The following RALYL variants were observed in gnomAD, a reference collection of about 807,000 sequenced individuals.
The protein encoded by RALYL is RNA-binding Raly-like protein.
RALYL carries 29 observed loss-of-function variants against 35.1 expected under a neutral mutation model. The ratio of observed to expected loss-of-function variants is 0.83; its 90% CI spans 0.61 to 1.13. The LOEUF (loss-of-function observed/expected upper bound fraction) is 1.13, where lower values mean the gene tolerates loss of function less well. Among genes scored for constraint, RALYL ranks in the 50% most tolerant of loss-of-function variants. RALYL has a pLI of 0.00. For missense variants in RALYL, 359 were observed against 360.4 expected (o/e 1.00, Z 0.03); for synonymous variants, 120 against 127.6 (o/e 0.94, Z 0.40).
intron 1 of RALYL, among the ~76,000 whole-genome samples, chr8:84,401,637 C>CAAAAAAAAAA (rs71271985): frequency 1.1e-4 from 2 of 17,428 alleles, no homozygotes; most frequent in African/African-American, 1.5e-4. Context: ...GACTCTGTCT[C>CAAAAAAAAAA]AAAAAAAAAA....
At chr8:84,689,023 C>T (rs563307501) in intron 2 of RALYL, among the ~76,000 whole-genome samples, 1 of 151,476 alleles carries the variant, frequency 6.6e-6, no homozygotes, top group Middle Eastern at 3.2e-3. Context: ...AAGATATTAA[C>T]TCATACACTA....
chr8:84,809,718 A>AT (rs1280635605), intron 4 of RALYL, among the ~76,000 whole-genome samples: 4 of 151,960 alleles, frequency 2.6e-5, no homozygotes, highest in South Asian at 2.1e-4. Flanking sequence ...AGAGGATTGT[A>AT]TTTTTTCAGG....
intron 2 of RALYL, among the ~76,000 whole-genome samples, chr8:84,691,788 C>T (rs1163801034): frequency 1.3e-5 from 2 of 151,990 alleles, no homozygotes; most frequent in Non-Finnish European, 2.9e-5. Context: ...ACTAAAATAA[C>T]TGGAGTGAGA....
chr8:84,824,859 A>G (rs1247900332), intron 4 of RALYL, among the ~76,000 whole-genome samples: 1 of 152,324 alleles, frequency 6.6e-6, no homozygotes, highest in Non-Finnish European at 1.5e-5. Flanking sequence ...TACAAAAATT[A>G]ACTCAAATTG....
At chr8:84,807,660 C>T (rs1032369818) in intron 4 of RALYL, among the ~76,000 whole-genome samples, 3 of 152,172 alleles carry the variant, frequency 2.0e-5, no homozygotes, top group African/African-American at 7.2e-5. Context: ...CTATTCACTG[C>T]ATCCACTCCA....
chr8:84,899,085 T>A (rs551454962), intron 8 of RALYL, among the ~76,000 whole-genome samples: 46 of 152,304 alleles, frequency 3.0e-4, no homozygotes, highest in African/African-American at 1.1e-3. Context: ...CACCGTGTCA[T>A]GACTCCATGC....
intron 2 of RALYL, among the ~76,000 whole-genome samples, chr8:84,762,968 A>G (rs1479211926): frequency 6.6e-6 from 1 of 152,168 alleles, no homozygotes; most frequent in Non-Finnish European, 1.5e-5. Context: ...ACATCTTAAA[A>G]CAATAAAATA....
chr8:84,757,542 G>T (rs1457583098), intron 2 of RALYL, among the ~76,000 whole-genome samples: 1 of 152,114 alleles, frequency 6.6e-6, no homozygotes, highest in Non-Finnish European at 1.5e-5. Context: ...CTATGCAGGG[G>T]CGGCGAATAT....
chr8:84,769,872 A>G (rs945990664), intron 2 of RALYL, among the ~76,000 whole-genome samples: 18 of 152,178 alleles, frequency 1.2e-4, no homozygotes, highest in Admixed American at 1.0e-3. Flanking sequence ...AAAGTAAGTA[A>G]GTTATGAGGA....
chr8:84,787,169 C>T (rs1819705893), intron 3 of RALYL, among the ~76,000 whole-genome samples: 1 of 151,872 alleles, frequency 6.6e-6, no homozygotes, highest in Non-Finnish European at 1.5e-5. Flanking sequence ...AGCCCCCCAC[C>T]CCCAAACAGA....
At chr8:84,185,298 A>G in intron 1 of RALYL, 1 of 485,296 alleles carries the variant, frequency 2.1e-6, no homozygotes, top group Non-Finnish European at 3.7e-6. Flanking sequence ...CTTTTTAACC[A>G]CCTGATACTG....
At chr8:84,233,155 A>AT (rs112896696) in intron 1 of RALYL, among the ~76,000 whole-genome samples, 7,259 of 151,678 alleles carry the variant, frequency 0.048, 163 homozygotes, top group Middle Eastern at 0.054. Flanking sequence ...AATAATTTTT[A>AT]TTGTTTTTTT....
chr8:84,742,395 C>T (rs1807583421), intron 2 of RALYL, among the ~76,000 whole-genome samples: 1 of 151,870 alleles, frequency 6.6e-6, no homozygotes, highest in South Asian at 2.1e-4. Flanking sequence ...TACAAATAAA[C>T]ACTACATGAA....
intron 5 of RALYL, among the ~76,000 whole-genome samples, chr8:84,858,683 A>C (rs1037370796): frequency 1.1e-4 from 17 of 152,184 alleles, no homozygotes; most frequent in Admixed American, 1.1e-3. Flanking sequence ...GATTTACTGT[A>C]GGCCGAATTC....
At chr8:84,589,347 C>A (rs897006542) in intron 2 of RALYL, among the ~76,000 whole-genome samples, 1 of 152,264 alleles carries the variant, frequency 6.6e-6, no homozygotes, top group East Asian at 1.9e-4. Context: ...TTAGATTCAG[C>A]CTGTCCAGTA....
intron 1 of RALYL, among the ~76,000 whole-genome samples, chr8:84,454,946 C>T (rs1339765481): frequency 6.6e-6 from 1 of 152,094 alleles, no homozygotes; most frequent in African/African-American, 2.4e-5. Flanking sequence ...ACTCTTCACA[C>T]TGCAGAAAGA....
chr8:84,534,812 G>C (rs1052888360), intron 2 of RALYL, among the ~76,000 whole-genome samples: 2 of 152,174 alleles, frequency 1.3e-5, no homozygotes, highest in African/African-American at 4.8e-5. Flanking sequence ...ATCATGATCA[G>C]CTTGCTAAGG....
chr8:84,690,164 G>A (rs185213702), intron 2 of RALYL, among the ~76,000 whole-genome samples: 44 of 152,238 alleles, frequency 2.9e-4, no homozygotes, highest in African/African-American at 1.1e-3. Flanking sequence ...AGAAAATGTG[G>A]CACATATAAA....
intron 2 of RALYL, among the ~76,000 whole-genome samples, chr8:84,677,637 G>A (rs1434163991): frequency 1.3e-5 from 2 of 152,102 alleles, no homozygotes; most frequent in African/African-American, 4.8e-5. Context: ...CTTCTAAATA[G>A]AAAATGCTTA....
Sources: gnomAD v4.1 joint callset for allele counts (sites outside exome capture counted in the v4.1 genomes callset) on GRCh38, gnomAD v4.1.1 for gene constraint, MANE v1.5 for transcripts, NCBI Gene and HGNC (gene_info 2026-07-23, HGNC 2026-07-21) for gene names.